GUCY1A2: variants seen among roughly 807,000 people sequenced by gnomAD.
GUCY1A2 encodes guanylate cyclase 1 soluble subunit alpha 2.
Under a neutral mutation model 63.5 loss-of-function variants are expected in GUCY1A2, and 27 were observed. The ratio of observed to expected loss-of-function variants is 0.43; its 90% confidence interval spans 0.31 to 0.59. GUCY1A2 has a LOEUF of 0.59. GUCY1A2 is among the 20% of genes least tolerant of loss of function. The probability of loss-of-function intolerance (pLI) is 0.11; values close to 1 mark genes in which losing one functional copy is unlikely to be tolerated. For synonymous variants in GUCY1A2, 364 were observed against 343.5 expected, an observed-to-expected ratio of 1.06 and a Z score of -0.66; for missense variants, 768 against 913.3, an observed-to-expected ratio of 0.84 and a Z score of 2.05.
At chr11:106,836,018 C>T (rs1438167541) in intron 4 of GUCY1A2, among the ~76,000 whole-genome samples, 2 of 151,946 alleles carry the variant, frequency 1.3e-5, no homozygotes, top group African/African-American at 4.8e-5. Context: ...CTTTTACAAG[C>T]ATCCCAAATG....
chr11:106,797,680 T>C lies in GUCY1A2; in HGVS notation c.1692+12313A>G, dbSNP rs530742297. Among the ~76,000 whole-genome samples the C allele has an allele frequency of 2.0e-5, 3 of 152,146 alleles. No homozygotes were observed. The South Asian group carries it at 6.2e-4, about 32-fold the overall frequency. ...TCCTGAATGACTACTGGGTACATAA[T>C]GAAATGAAGGCAAAAATAAAGATGT... On this transcript the variant is annotated intron_variant, in intron 5 of 7. Transcript: ENST00000526355.
intron 4 of GUCY1A2, among the ~76,000 whole-genome samples, chr11:106,938,181 C>T (rs761397033): frequency 1.3e-5 from 2 of 152,038 alleles, no homozygotes; most frequent in South Asian, 2.1e-4. Context: ...CTCAGGTGAT[C>T]GATCTGCCCA....
intron 1 of GUCY1A2, among the ~76,000 whole-genome samples, chr11:107,003,146 T>C (rs920876077): frequency 6.6e-6 from 1 of 152,194 alleles, no homozygotes; most frequent in Non-Finnish European, 1.5e-5. Flanking sequence ...TTATCAAATG[T>C]CTTGAGTCAG....
intron 3 of GUCY1A2, among the ~76,000 whole-genome samples, chr11:106,945,783 G>A (rs1860819823): frequency 6.6e-6 from 1 of 152,156 alleles, no homozygotes; most frequent in African/African-American, 2.4e-5. Context: ...TGACCAACAT[G>A]GAGAAACCCT....
At chr11:107,005,791 TTATAAG>T (rs1454344274) in intron 1 of GUCY1A2, among the ~76,000 whole-genome samples, 2 of 152,102 alleles carry the variant, frequency 1.3e-5, no homozygotes, top group East Asian at 1.9e-4. Context: ...AGAACATCTT[TTATAAG>T]TATATTACCC....
At chr11:106,959,954 C>A (rs2120059184) in intron 3 of GUCY1A2, among the ~76,000 whole-genome samples, 1 of 152,306 alleles carries the variant, frequency 6.6e-6, no homozygotes, top group African/African-American at 2.4e-5. Context: ...GCACACTGCC[C>A]AGGAGCCTGT....
intron 4 of GUCY1A2, among the ~76,000 whole-genome samples, chr11:106,856,753 C>T (rs1258022927): frequency 6.6e-6 from 1 of 152,052 alleles, no homozygotes; most frequent in Non-Finnish European, 1.5e-5. Flanking sequence ...AATGAGTACC[C>T]GTGGTGATGT....
chr11:106,885,058 CT>C (rs1262598102), intron 4 of GUCY1A2, among the ~76,000 whole-genome samples: 2 of 152,124 alleles, frequency 1.3e-5, no homozygotes, highest in Admixed American at 6.6e-5. Flanking sequence ...TGAATGCCCC[CT>C]GGAGTAGAAA....
chr11:106,990,444 G>A (rs750635823), intron 1 of GUCY1A2, among the ~76,000 whole-genome samples: 4 of 152,382 alleles, frequency 2.6e-5, no homozygotes, highest in African/African-American at 7.2e-5. Flanking sequence ...TGAAGAGTGG[G>A]AGGAAGCAGT....
At chr11:106,812,957 A>C (rs1858781718) in intron 4 of GUCY1A2, among the ~76,000 whole-genome samples, 1 of 152,022 alleles carries the variant, frequency 6.6e-6, no homozygotes, top group Non-Finnish European at 1.5e-5. Context: ...CTCTGTCACC[A>C]ATGCATTTTT....
Position 106,680,768 on chromosome 11 carries a change from G to C in GUCY1A2, c.*6781C>G, listed in dbSNP as rs557196360. 2 of 207,074 alleles carry C rather than the reference G, an allele frequency of 9.7e-6. No homozygotes were observed. Among genetic ancestry groups the C allele is most frequent in the African/African-American group, 4.6e-5 (2 of 43,846 alleles). The allele number at this position is 207,074 out of a possible 1,614,324, so 12.8% of individuals were successfully genotyped here. A position where few individuals can be genotyped will look rare whatever the true frequency, so the allele number is the denominator to read the frequency against. ...AAATTAAGTTTTGCTATGAGTAATA[G>C]AAAGGTAAAGACAAAATATCGAACA... is the stretch of plus-strand genomic sequence containing the variant. On this transcript the variant is annotated 3_prime_UTR_variant, in exon 8 of 8. Transcript: ENST00000526355.
chr11:106,862,039 T>C (rs768274191), intron 4 of GUCY1A2, among the ~76,000 whole-genome samples: 2 of 151,984 alleles, frequency 1.3e-5, no homozygotes, highest in Admixed American at 6.6e-5. Flanking sequence ...AATGCAAAAT[T>C]ATGTCGTCAG....
intron 6 of GUCY1A2, among the ~76,000 whole-genome samples, chr11:106,710,154 T>C (rs1223295032): frequency 1.0e-5 from 1 of 99,004 alleles, no homozygotes; most frequent in Admixed American, 1.3e-4. Context: ...TAGTTATATA[T>C]ATTATATACA....
intron 1 of GUCY1A2, among the ~76,000 whole-genome samples, chr11:107,013,851 G>A (rs1009766365): frequency 6.6e-5 from 10 of 152,080 alleles, no homozygotes; most frequent in Admixed American, 2.6e-4. Context: ...CCTTTATATA[G>A]TTTCATTAAA....
intron 3 of GUCY1A2, among the ~76,000 whole-genome samples, chr11:106,962,155 T>C (rs929430581): frequency 3.3e-5 from 5 of 152,240 alleles, no homozygotes; most frequent in African/African-American, 7.2e-5. Flanking sequence ...CCACTGTTAC[T>C]TGAATTTTTG....
intron 4 of GUCY1A2, among the ~76,000 whole-genome samples, chr11:106,930,056 G>T (rs1860580313): frequency 6.6e-6 from 1 of 152,176 alleles, no homozygotes; most frequent in African/African-American, 2.4e-5. Context: ...AACAAAAGGA[G>T]TAAGGCTTAG....
intron 6 of GUCY1A2, among the ~76,000 whole-genome samples, chr11:106,743,082 C>G (rs1226142414): frequency 6.6e-6 from 1 of 152,172 alleles, no homozygotes. Flanking sequence ...TGTACTTCAT[C>G]TAATCAAGTA....
chr11:106,913,942 C>T (rs1302915922), intron 4 of GUCY1A2, among the ~76,000 whole-genome samples: 3 of 132,400 alleles, frequency 2.3e-5, no homozygotes, highest in Non-Finnish European at 4.6e-5. Context: ...TGAAAGAGTG[C>T]TAATGTTTGT....
chr11:106,822,273 T>C (rs1025684289), intron 4 of GUCY1A2, among the ~76,000 whole-genome samples: 2 of 152,228 alleles, frequency 1.3e-5, no homozygotes, highest in African/African-American at 4.8e-5. Context: ...ATTTTTTTCT[T>C]TGCTTTGCTA....
Sources: gnomAD v4.1 joint callset for allele counts (sites outside exome capture counted in the v4.1 genomes callset) on GRCh38, gnomAD v4.1.1 for gene constraint, MANE v1.5 for transcripts, NCBI Gene and HGNC (gene_info 2026-07-23, HGNC 2026-07-21) for gene names.